Variants in GDA observed in about 807,000 individuals in gnomAD.
The protein encoded by GDA is guanine deaminase, also known as cytoplasmic PSD-95 interactor.
A neutral mutation model predicts 59.6 loss-of-function variants in GDA; 18 were observed. The ratio of observed to expected loss-of-function variants is 0.30; its 90% CI spans 0.21 to 0.45. GDA has a LOEUF of 0.45. Ranked by LOEUF, GDA falls within the 20% of genes least tolerant of loss-of-function variation. The probability of loss-of-function intolerance (pLI) is 1.00; values close to 1 mark genes in which losing one functional copy is unlikely to be tolerated. For missense variants in GDA, 427 were observed against 552.3 expected (o/e 0.77, Z 2.27); for synonymous variants, 201 against 201.1 (o/e 1.00, Z 0.00).
At chr9:72,201,298 A>C (rs750827908) in intron 2 of GDA, among the ~76,000 whole-genome samples, 4 of 152,080 alleles carry the variant, frequency 2.6e-5, no homozygotes, top group Non-Finnish European at 5.9e-5. Flanking sequence ...CTTTAACTCA[A>C]CTGCTGCCCA....
chr9:72,163,817 T>C (rs1442057147), intron 1 of GDA, among the ~76,000 whole-genome samples: 1 of 152,178 alleles, frequency 6.6e-6, no homozygotes, highest in Non-Finnish European at 1.5e-5. Context: ...CACAGGAGAT[T>C]GTTTCAGCAG....
chr9:72,231,111 C>T lies in GDA; in HGVS notation c.921-3C>T. 1 of 1,555,268 alleles carries T rather than the reference C, an allele frequency of 6.4e-7. No homozygotes were observed. Among genetic ancestry groups the T allele is most frequent in the Non-Finnish European group, 8.9e-7 (1 of 1,126,330 alleles). ...CTTGTTCTGACATCTCCTCTCTCTA[C>T]AGGCTCAGCAGTGGATTTCTAAATG... On this transcript the variant is annotated splice_region_variant and splice_polypyrimidine_tract_variant and intron_variant, in intron 9 of 13. Coordinates refer to ENST00000358399, the MANE Select transcript of GDA (RefSeq NM_004293.5).
At chr9:72,225,948 G>A (rs1203177181) in intron 8 of GDA, among the ~76,000 whole-genome samples, 164 bp downstream of exon 8, 2 of 151,248 alleles carry the variant, frequency 1.3e-5, no homozygotes, top group Non-Finnish European at 2.9e-5. Flanking sequence ...TATATCTATG[G>A]GGTACATGTG....
intron 1 of GDA, among the ~76,000 whole-genome samples, chr9:72,159,778 G>T (rs1366801791): frequency 1.3e-5 from 2 of 152,186 alleles, no homozygotes; most frequent in African/African-American, 4.8e-5. Flanking sequence ...GAGATTTGGA[G>T]CTATGGAGGA....
At chr9:72,173,151 C>T (rs753302984) in intron 1 of GDA, among the ~76,000 whole-genome samples, 7 of 152,186 alleles carry the variant, frequency 4.6e-5, no homozygotes, top group South Asian at 4.1e-4. Context: ...AACAGGGCTA[C>T]AGTCTCCTGG....
At chr9:72,169,167 G>A (rs1829668394) in intron 1 of GDA, among the ~76,000 whole-genome samples, 1 of 152,164 alleles carries the variant, frequency 6.6e-6, no homozygotes. Flanking sequence ...TTCATGTCAG[G>A]GCTTTAGAAG....
At chr9:72,244,446 A>G (rs35577632) in intron 11 of GDA, among the ~76,000 whole-genome samples, 26,279 of 152,174 alleles carry the variant, frequency 0.17, 2,580 homozygotes, top group Middle Eastern at 0.28. Context: ...AATAGATATT[A>G]TTGGCCTGTG....
chr9:72,249,605 C>A lies in GDA; in HGVS notation c.*1263C>A. 1 of 654,804 alleles carries A rather than the reference C, an allele frequency of 1.5e-6. No homozygotes were observed. The highest frequency in any genetic ancestry group is 1.9e-6 in the Non-Finnish European group (1 of 528,730). The allele number at this position is 654,804 out of a possible 1,614,324, so 40.6% of individuals were successfully genotyped here. ...AAGACTATTTTTATGCTTCCATAAC[C>A]TAGAATTAAAACCAAATTATGACCT... On this transcript the variant is annotated 3_prime_UTR_variant, in exon 14 of 14. Transcript: ENST00000358399.
intron 2 of GDA, among the ~76,000 whole-genome samples, chr9:72,199,863 T>G (rs1474488171): frequency 6.6e-6 from 1 of 152,160 alleles, no homozygotes; most frequent in Admixed American, 6.5e-5. Context: ...TCCTGATCTT[T>G]TCTTTCTCAG....
intron 1 of GDA, among the ~76,000 whole-genome samples, chr9:72,120,191 CT>C (rs202118778): frequency 0.34 from 48,878 of 145,034 alleles, 9,789 homozygotes; most frequent in Non-Finnish European, 0.45. Context: ...ATGCAGCATT[CT>C]TTTTTTTTTT....
intron 4 of GDA, among the ~76,000 whole-genome samples, chr9:72,212,699 T>C (rs1835534573): frequency 6.6e-6 from 1 of 152,078 alleles, no homozygotes; most frequent in South Asian, 2.1e-4. Context: ...CATGTTCTTA[T>C]CCCTCAGCCA....
chr9:72,153,876 A>C (rs1017518740), intron 1 of GDA, among the ~76,000 whole-genome samples: 1 of 149,658 alleles, frequency 6.7e-6, no homozygotes, highest in Admixed American at 6.6e-5. Flanking sequence ...TGACGAGTTA[A>C]TGGGTGCAGC....
At chr9:72,254,419 A>G (rs922273120), downstream of GDA, among the ~76,000 whole-genome samples, 2 of 152,104 alleles carry the variant, frequency 1.3e-5, no homozygotes, top group Admixed American at 6.6e-5. Flanking sequence ...GTAAAAAATA[A>G]ATGTTTTCTC....
At chr9:72,243,905 G>T (rs1839879309) in intron 11 of GDA, among the ~76,000 whole-genome samples, 1 of 152,208 alleles carries the variant, frequency 6.6e-6, no homozygotes, top group African/African-American at 2.4e-5. Flanking sequence ...GCTGAGCACA[G>T]TGGCTCACGC....
chr9:72,182,027 C>T (rs961048974), intron 1 of GDA, among the ~76,000 whole-genome samples: 11 of 152,140 alleles, frequency 7.2e-5, no homozygotes, highest in Admixed American at 2.0e-4. Context: ...CACACATGCA[C>T]GCACACACAC....
chr9:72,122,472 T>C (rs1375348642), intron 1 of GDA, among the ~76,000 whole-genome samples: 1 of 149,870 alleles, frequency 6.7e-6, no homozygotes, highest in Admixed American at 6.8e-5. Context: ...GAAAGTTCTC[T>C]GTTAAATGCA....
Position 72,249,550 on chromosome 9 carries a change from T to C in GDA, c.*1208T>C, listed in dbSNP as rs1840485878. On this transcript the variant is annotated 3_prime_UTR_variant, in exon 14 of 14. Transcript: ENST00000358399. ...TATTTATGTTAATAGGACTTAATTC[T>C]TACTAGACATCTAGGAACATTACAA... The C allele has an allele frequency of 1.7e-6, 1 of 594,568 alleles. No homozygotes were observed. Among genetic ancestry groups the C allele is most frequent in the South Asian group, 7.6e-5 (1 of 13,196 alleles). The allele number at this position is 594,568 out of a possible 1,614,324, so 36.8% of individuals were successfully genotyped here.
At chr9:72,123,233 G>C (rs1825727827) in intron 1 of GDA, among the ~76,000 whole-genome samples, 1 of 145,958 alleles carries the variant, frequency 6.9e-6, no homozygotes, top group African/African-American at 2.6e-5. Context: ...GCCCAGGCTG[G>C]AGTGCAGTGG....
intron 1 of GDA, among the ~76,000 whole-genome samples, chr9:72,131,207 G>T (rs1021959563): frequency 6.6e-6 from 1 of 152,120 alleles, no homozygotes. Flanking sequence ...AAGGGGAAAG[G>T]GGTTCAAATA....
Sources: gnomAD v4.1 joint callset for allele counts (sites outside exome capture counted in the v4.1 genomes callset) on GRCh38, gnomAD v4.1.1 for gene constraint, MANE v1.5 for transcripts, NCBI Gene and HGNC (gene_info 2026-07-23, HGNC 2026-07-21) for gene names.